The following MAML2 variants were observed in gnomAD, a reference collection of about 807,000 sequenced individuals.
MAML2 encodes the protein mastermind-like protein 2.
A neutral mutation model predicts 96.1 loss-of-function variants in MAML2; 22 were observed. That is an observed-to-expected ratio of 0.23 (90% CI 0.16 to 0.33). The LOEUF (loss-of-function observed/expected upper bound fraction) is 0.33. MAML2 is among the 10% of genes least tolerant of loss of function. MAML2 has a pLI of 1.00. For synonymous variants in MAML2, 561 were observed against 521.3 expected, an observed-to-expected ratio of 1.08 and a Z score of -1.04; for missense variants, 1,367 against 1,392.4, an observed-to-expected ratio of 0.98 and a Z score of 0.29.
At chr11:96,335,121 T>C (rs1245978366) in intron 1 of MAML2, among the ~76,000 whole-genome samples, 3 of 152,188 alleles carry the variant, frequency 2.0e-5, no homozygotes, top group South Asian at 2.1e-4. Context: ...TCCCTTACTT[T>C]TCCCTTGTAA....
Position 95,988,784 on chromosome 11 carries a change from C to T in MAML2, c.2343+2736G>A, listed in dbSNP as rs118024134. 3.2e-4 allele frequency among the ~76,000 whole-genome samples: 48 copies of T among 152,060 alleles called. 1 individual carries two copies. In the East Asian group the frequency reaches 8.7e-3, roughly 27 times the overall value. ...CTACATTTTGCAAAAGACTGACATT[C>T]CTATTCTGTGCAAGTGTAAACATAT... On this transcript the variant is annotated intron_variant, in intron 3 of 4. Transcript: ENST00000524717.
At chr11:96,180,855 G>C (rs930989514) in intron 1 of MAML2, among the ~76,000 whole-genome samples, 8 of 152,086 alleles carry the variant, frequency 5.3e-5, no homozygotes, top group African/African-American at 1.9e-4. Flanking sequence ...AGGGAGATAA[G>C]GGTGGGGCCG....
At chr11:96,004,700 C>T (rs995869225) in intron 2 of MAML2, among the ~76,000 whole-genome samples, 2 of 152,238 alleles carry the variant, frequency 1.3e-5, no homozygotes, top group South Asian at 4.1e-4. Flanking sequence ...GCAAATTATA[C>T]AATTTTGTAT....
At chr11:96,223,604 C>A (rs1862171556) in intron 1 of MAML2, among the ~76,000 whole-genome samples, 1 of 149,918 alleles carries the variant, frequency 6.7e-6, no homozygotes, top group Non-Finnish European at 1.5e-5. Context: ...GGTTTTTGTG[C>A]AGGTTTGTAT....
At chr11:96,254,599 C>CA (rs35212185) in intron 1 of MAML2, among the ~76,000 whole-genome samples, 153 of 145,686 alleles carry the variant, frequency 1.1e-3, no homozygotes, top group East Asian at 2.2e-3. Flanking sequence ...CAAAACAAAA[C>CA]AAAAAAAAAA....
chr11:96,232,778 G>C (rs1862315499), intron 1 of MAML2, among the ~76,000 whole-genome samples: 1 of 152,118 alleles, frequency 6.6e-6, no homozygotes, highest in Non-Finnish European at 1.5e-5. Context: ...GGCCAAGGAG[G>C]GCATTTCTAA....
intron 1 of MAML2, among the ~76,000 whole-genome samples, chr11:96,114,216 GC>G (rs1260582354): frequency 3.9e-5 from 6 of 152,158 alleles, no homozygotes; most frequent in Non-Finnish European, 8.8e-5. Context: ...ATCATGCCTG[GC>G]CCCAGGAATC....
At chr11:96,297,175 G>A (rs750791037) in intron 1 of MAML2, among the ~76,000 whole-genome samples, 2 of 152,014 alleles carry the variant, frequency 1.3e-5, no homozygotes, top group African/African-American at 2.4e-5. Flanking sequence ...TGAAAATTCC[G>A]GAGTGAGGTT....
At chr11:96,087,956 T>A (rs532321915) in intron 2 of MAML2, among the ~76,000 whole-genome samples, 8 of 152,230 alleles carry the variant, frequency 5.3e-5, no homozygotes, top group Non-Finnish European at 1.0e-4. Flanking sequence ...TTTAGAGGTA[T>A]TGTCAGCATA....
At chr11:96,150,882 C>T (rs913786171) in intron 1 of MAML2, among the ~76,000 whole-genome samples, 1 of 152,176 alleles carries the variant, frequency 6.6e-6, no homozygotes, top group Non-Finnish European at 1.5e-5. Context: ...CTGCTTAAAG[C>T]GTGTTCTACA....
chr11:96,182,253 G>A (rs540264169), intron 1 of MAML2, among the ~76,000 whole-genome samples: 3 of 152,260 alleles, frequency 2.0e-5, no homozygotes, highest in African/African-American at 2.4e-5. Flanking sequence ...TACAAATATC[G>A]AAACAATGGG....
rs538753444 is a variant in MAML2 at position 96,301,175 on chromosome 11, A to T, written c.513+40208T>A. Among the ~76,000 whole-genome samples, 2 of 152,312 alleles carry T rather than the reference A, an allele frequency of 1.3e-5. 1 individual carries two copies. The highest frequency in any genetic ancestry group is 4.1e-4 in the South Asian group (2 of 4,822). ...CTTACATCTGTTGGGCAAAAATTAT[A>T]CATATACACATACACCCACATACAC... On this transcript the variant is annotated intron_variant, in intron 1 of 4. Coordinates refer to ENST00000524717, the MANE Select transcript of MAML2 (RefSeq NM_032427.4).
intron 1 of MAML2, among the ~76,000 whole-genome samples, chr11:96,203,801 C>T (rs960011117): frequency 2.6e-5 from 4 of 152,246 alleles, no homozygotes; most frequent in African/African-American, 9.6e-5. Context: ...ACCCAAGGAT[C>T]TATTTGTTAA....
intron 2 of MAML2, among the ~76,000 whole-genome samples, chr11:95,994,127 C>A (rs1857955641): frequency 6.6e-6 from 1 of 152,202 alleles, no homozygotes; most frequent in Admixed American, 6.5e-5. Context: ...GCCAACCCAT[C>A]AGTTCATGCA....
intron 1 of MAML2, among the ~76,000 whole-genome samples, chr11:96,208,290 C>T (rs1002974024): frequency 2.6e-5 from 4 of 152,174 alleles, no homozygotes; most frequent in Non-Finnish European, 5.9e-5. Flanking sequence ...AGCAACTTGA[C>T]AGGGCACCTG....
chr11:96,146,173 T>C (rs1860815728), intron 1 of MAML2, among the ~76,000 whole-genome samples: 1 of 152,218 alleles, frequency 6.6e-6, no homozygotes, highest in Non-Finnish European at 1.5e-5. Context: ...GTATCTTACA[T>C]AAGAGCACCC....
chr11:96,247,689 C>G (rs1862529585), intron 1 of MAML2, among the ~76,000 whole-genome samples: 1 of 152,148 alleles, frequency 6.6e-6, no homozygotes, highest in African/African-American at 2.4e-5. Flanking sequence ...GTGCTATACC[C>G]ATTCTAGCAC....
chr11:96,169,460 C>G (rs760087902), intron 1 of MAML2, among the ~76,000 whole-genome samples: 2 of 152,140 alleles, frequency 1.3e-5, no homozygotes, highest in Middle Eastern at 3.2e-3. Context: ...GGTGGGTGCT[C>G]GAGCTCCTCC....
chr11:96,298,105 A>T (rs775303523), intron 1 of MAML2, among the ~76,000 whole-genome samples: 1 of 152,196 alleles, frequency 6.6e-6, no homozygotes, highest in Non-Finnish European at 1.5e-5. Flanking sequence ...ATACTTAGGA[A>T]ATATAAATAT....
Sources: gnomAD v4.1 joint callset for allele counts (sites outside exome capture counted in the v4.1 genomes callset) on GRCh38, gnomAD v4.1.1 for gene constraint, MANE v1.5 for transcripts, NCBI Gene and HGNC (gene_info 2026-07-23, HGNC 2026-07-21) for gene names.